CAMTA1: variants seen among roughly 807,000 people sequenced by gnomAD.
The protein encoded by CAMTA1 is calmodulin-binding transcription activator 1.
Under a neutral mutation model 170.9 loss-of-function variants are expected in CAMTA1, and 27 were observed. That is an observed-to-expected ratio of 0.16 (90% CI 0.12 to 0.22). The LOEUF is 0.22. Among genes scored for constraint, CAMTA1 ranks in the 10% least tolerant of loss-of-function variants. CAMTA1 has a pLI of 1.00. For missense variants in CAMTA1, 1,619 were observed against 2,217.2 expected, an observed-to-expected ratio of 0.73 and a Z score of 5.42; for synonymous variants, 833 against 891.5, an observed-to-expected ratio of 0.93 and a Z score of 1.17.
intron 4 of CAMTA1, among the ~76,000 whole-genome samples, chr1:7,120,786 G>T (rs1644597409): frequency 6.6e-6 from 1 of 152,176 alleles, no homozygotes; most frequent in Non-Finnish European, 1.5e-5. Flanking sequence ...CCTCCCTATG[G>T]GTCAAGAGGT....
At chr1:7,741,024 G>C (rs2096808655) in intron 16 of CAMTA1, among the ~76,000 whole-genome samples, 1 of 152,180 alleles carries the variant, frequency 6.6e-6, no homozygotes, top group African/African-American at 2.4e-5. Flanking sequence ...CAGTAAAACT[G>C]AGCAATTATC....
chr1:6,835,169 C>A (rs1285995119), intron 3 of CAMTA1, among the ~76,000 whole-genome samples: 1 of 152,184 alleles, frequency 6.6e-6, no homozygotes, highest in African/African-American at 2.4e-5. Flanking sequence ...TTGTCCAAGT[C>A]ATAACTTAAT....
rs999410121 is a variant in CAMTA1, at chr1:7,146,902, C to T, written c.302+55531C>T. Among the ~76,000 whole-genome samples the T allele has an allele frequency of 1.3e-5, 2 of 151,870 alleles. No individual in the cohort carries two copies. Among genetic ancestry groups the T allele is most frequent in the Non-Finnish European group, 2.9e-5 (2 of 67,982 alleles). ...GACACTCAAACATATGCCGTGCATA[C>T]ACATACACATCACACACTCAAATAT... On this transcript the variant is annotated intron_variant, in intron 4 of 22. Coordinates refer to ENST00000303635, the MANE Select transcript of CAMTA1 (RefSeq NM_015215.4). The surrounding 1 kb of genome is among the most constrained non-coding windows in gnomAD (Gnocchi z 4.3).
chr1:7,086,332 G>A (rs1319117761), intron 3 of CAMTA1, among the ~76,000 whole-genome samples: 1 of 152,102 alleles, frequency 6.6e-6, no homozygotes, highest in Non-Finnish European at 1.5e-5. Flanking sequence ...GTGGTCCTTA[G>A]GGCTCAGGGG....
At chr1:7,496,879 G>A (rs1339120796) in intron 6 of CAMTA1, among the ~76,000 whole-genome samples, 3 of 151,680 alleles carry the variant, frequency 2.0e-5, no homozygotes, top group Non-Finnish European at 4.4e-5. Context: ...CGGTCAGCAA[G>A]CGCAACCTCA....
Position 7,195,609 on chromosome 1 carries a change from C to G in CAMTA1, c.303-53882C>G, listed in dbSNP as rs925564513. Among the ~76,000 whole-genome samples, 2 of 152,230 alleles carry G rather than the reference C, an allele frequency of 1.3e-5. No homozygotes were observed. Among genetic ancestry groups the G allele is most frequent in the African/African-American group, 4.8e-5 (2 of 41,460 alleles). ...CCGCCACACATGGCACACTCACCTT[C>G]AGCCAGGTGCCCGCACTGCTCCTGA... On this transcript the variant is annotated intron_variant, in intron 4 of 22. Coordinates refer to ENST00000303635, the MANE Select transcript of CAMTA1 (RefSeq NM_015215.4). The surrounding 1 kb of genome is among the most constrained non-coding windows in gnomAD (Gnocchi z 4.1).
chr1:6,813,762 C>T (rs1193319717), intron 1 of CAMTA1, among the ~76,000 whole-genome samples: 1 of 152,150 alleles, frequency 6.6e-6, no homozygotes, highest in Non-Finnish European at 1.5e-5. Context: ...GCTGGGACTA[C>T]AGGTTCGAGC....
At chr1:7,553,570 C>A (rs1005955896) in intron 6 of CAMTA1, among the ~76,000 whole-genome samples, 4 of 152,210 alleles carry the variant, frequency 2.6e-5, no homozygotes. Flanking sequence ...TGGTGTCCCC[C>A]ATCTGTGCAC....
chr1:7,062,067 G>A (rs1188498719), intron 3 of CAMTA1, among the ~76,000 whole-genome samples: 2 of 151,892 alleles, frequency 1.3e-5, no homozygotes, highest in Non-Finnish European at 1.5e-5. Flanking sequence ...ATAGGCGCCC[G>A]CCACCACGCA....
intron 6 of CAMTA1, among the ~76,000 whole-genome samples, chr1:7,508,006 C>T (rs1357547879): frequency 6.6e-6 from 1 of 152,374 alleles, no homozygotes; most frequent in African/African-American, 2.4e-5. Context: ...CAAGTCATGA[C>T]GATACCAGTG....
intron 11 of CAMTA1, among the ~76,000 whole-genome samples, chr1:7,727,025 CTTTG>C (rs2096692900): frequency 6.6e-6 from 1 of 152,114 alleles, no homozygotes; most frequent in African/African-American, 2.4e-5. Context: ...ACCCTGTTGT[CTTTG>C]TTTGAAGCAT....
chr1:7,670,963 A>G lies in CAMTA1; in HGVS notation c.2705A>G (p.Tyr902Cys). 1.2e-6 allele frequency: 2 copies of G among 1,613,720 alleles called. No homozygotes were observed. Among genetic ancestry groups the G allele is most frequent in the Non-Finnish European group, 1.7e-6 (2 of 1,179,944 alleles). Residue 902 changes from tyrosine to cysteine, a missense_variant, in exon 10 of 23, where the codon TAC (tyrosine) becomes TGC (cysteine). This residue lies in a region of CAMTA1 where 29 missense variants were observed against 70.9 expected (regional missense o/e 0.41). Coordinates refer to ENST00000303635, the MANE Select transcript of CAMTA1 (RefSeq NM_015215.4). ...CCGTGGCAAGAAGCCAGCAATAACTACAGCTGCCTGTTTGACCAGATCTCA... is the reference window on the plus strand; with the variant it reads ...CCGTGGCAAGAAGCCAGCAATAACTGCAGCTGCCTGTTTGACCAGATCTCA... ...TGPWQEASNN[Y>C]SCLFDQISVP... is the part of the protein sequence containing the mutation.
At chr1:7,179,585 A>G (rs1651676493) in intron 4 of CAMTA1, among the ~76,000 whole-genome samples, 2 of 152,344 alleles carry the variant, frequency 1.3e-5, no homozygotes, top group South Asian at 4.1e-4. Flanking sequence ...AAAACTGGAC[A>G]TTATTAACAA....
intron 6 of CAMTA1, among the ~76,000 whole-genome samples, chr1:7,546,759 G>A (rs1353732790): frequency 4.6e-5 from 7 of 152,064 alleles, no homozygotes; most frequent in Admixed American, 4.6e-4. Flanking sequence ...GATCAGTGAC[G>A]TTGAGCACTT....
intron 3 of CAMTA1, among the ~76,000 whole-genome samples, chr1:6,868,270 C>T (rs1461582539): frequency 6.7e-6 from 1 of 149,118 alleles, no homozygotes; most frequent in Non-Finnish European, 1.5e-5. Flanking sequence ...GATCTTGCTA[C>T]TGCACTCTAG....
At chr1:7,504,772 T>C (rs1193404338) in intron 6 of CAMTA1, among the ~76,000 whole-genome samples, 3 of 152,258 alleles carry the variant, frequency 2.0e-5, no homozygotes, top group Admixed American at 2.0e-4. Context: ...TCTGGACCGT[T>C]AGGGCAGCAG....
intron 1 of CAMTA1, 69 bp downstream of exon 1, chr1:6,785,644 C>G (rs532386291): frequency 2.3e-5 from 21 of 893,886 alleles, no homozygotes; most frequent in Non-Finnish European, 2.7e-5. Flanking sequence ...CGCCGGACAT[C>G]CCGGGCATCG....
At chr1:7,566,392 C>T (rs1426352411) in intron 6 of CAMTA1, among the ~76,000 whole-genome samples, 1 of 152,200 alleles carries the variant, frequency 6.6e-6, no homozygotes, top group Non-Finnish European at 1.5e-5. Flanking sequence ...GGTTTTGTTA[C>T]TCGTAATAAA....
At chr1:7,285,845 T>C (rs1297270475) in intron 5 of CAMTA1, among the ~76,000 whole-genome samples, 1 of 152,192 alleles carries the variant, frequency 6.6e-6, no homozygotes, top group Non-Finnish European at 1.5e-5. Context: ...GCCCCACTGA[T>C]GGCTGAAATC....
Sources: gnomAD v4.1 joint callset for allele counts (sites outside exome capture counted in the v4.1 genomes callset) on GRCh38, gnomAD v4.1.1 for gene constraint, gnomAD v4.1.1 regional missense constraint, Gnocchi (gnomAD v3.1) non-coding constraint, MANE v1.5 for transcripts, NCBI Gene and HGNC (gene_info 2026-07-23, HGNC 2026-07-21) for gene names.